BPTF: variants seen among roughly 807,000 people sequenced by gnomAD.
BPTF encodes the protein bromodomain PHD finger transcription factor, also known as nucleosome-remodeling factor subunit BPTF.
In BPTF, 18 loss-of-function variants were observed where a neutral mutation model predicts 292.5. The ratio of observed to expected loss-of-function variants is 0.06; its 90% CI spans 0.04 to 0.09. The LOEUF (loss-of-function observed/expected upper bound fraction) is 0.09. Among genes scored for constraint, BPTF ranks in the 10% least tolerant of loss-of-function variants. The probability of loss-of-function intolerance (pLI) is 1.00; values close to 1 mark genes in which losing one functional copy is unlikely to be tolerated. For synonymous variants in BPTF, 1,225 were observed against 1,251.9 expected (o/e 0.98, Z 0.45); for missense variants, 2,726 against 3,498.7 (o/e 0.78, Z 5.57).
intron 9 of BPTF, among the ~76,000 whole-genome samples, chr17:67,905,766 C>T (rs1481170630): frequency 6.6e-6 from 1 of 151,864 alleles, no homozygotes; most frequent in Admixed American, 6.6e-5. Context: ...TATCTAGTAA[C>T]CTTAGCATTG....
At chr17:67,944,478 C>A (rs1598823615) in intron 20 of BPTF, 106 bp downstream of exon 20, 8 of 1,295,710 alleles carry the variant, frequency 6.2e-6, no homozygotes, top group East Asian at 4.8e-5. Context: ...GGATATGCCT[C>A]AAGCCAGTGA....
At chr17:67,953,971 T>C (rs1555679722) in intron 23 of BPTF, among the ~76,000 whole-genome samples, 4 of 3,838 alleles carry the variant, frequency 1.0e-3, no homozygotes, top group African/African-American at 2.3e-3. Context: ...CTTTTTTTTT[T>C]TTTTTTTTTT....
intron 7 of BPTF, among the ~76,000 whole-genome samples, chr17:67,900,394 C>T (rs969950069): frequency 2.0e-5 from 3 of 152,022 alleles, no homozygotes; most frequent in Non-Finnish European, 2.9e-5. Context: ...CGTTAGCCAC[C>T]GCGTTCAGCC....
intron 4 of BPTF, among the ~76,000 whole-genome samples, chr17:67,876,182 T>C (rs2060040121): frequency 6.6e-6 from 1 of 152,250 alleles, no homozygotes; most frequent in African/African-American, 2.4e-5. Context: ...AGAAAATCAT[T>C]ATCACAGAAC....
At chr17:67,919,661 A>AT (rs1234415503) in intron 12 of BPTF, among the ~76,000 whole-genome samples, 2 of 152,220 alleles carry the variant, frequency 1.3e-5, no homozygotes, top group East Asian at 1.9e-4. Flanking sequence ...ACCAGTCTAC[A>AT]TTTTTTAAAA....
In BPTF at chr17:67,946,180, C is replaced by A; in HGVS notation, c.7472C>A (p.Thr2491Lys). ...VQTHQIQNVV[T>K]VQAASVQEQL... ...ACTCACCAGATTCAGAATGTGGTTACAGTGCAGGCAGCCAGTGTGCAAGAG... is the reference window on the plus strand; with the variant it reads ...ACTCACCAGATTCAGAATGTGGTTAAAGTGCAGGCAGCCAGTGTGCAAGAG... Residue 2491 changes from threonine to lysine, a missense_variant, in exon 21 of 28, where the codon ACA (threonine) becomes AAA (lysine). Physicochemically the swap from Thr to Lys is moderately conservative, Grantham distance 78. This residue lies in a region of BPTF where 570 missense variants were observed against 633.5 expected (regional missense o/e 0.90). Transcript: ENST00000306378. 6.2e-7 allele frequency: 1 copy of A among 1,614,178 alleles called. No individual in the cohort carries two copies. Among genetic ancestry groups the A allele is most frequent in the Non-Finnish European group, 8.5e-7 (1 of 1,180,024 alleles).
At chr17:67,973,094 G>A (rs1258778666) in intron 26 of BPTF, among the ~76,000 whole-genome samples, 1 of 143,274 alleles carries the variant, frequency 7.0e-6, no homozygotes, top group African/African-American at 2.6e-5. Context: ...TATATATAAG[G>A]CCAGGCACGG....
chr17:67,840,909 T>C (rs1451713255), intron 1 of BPTF, among the ~76,000 whole-genome samples: 1 of 152,190 alleles, frequency 6.6e-6, no homozygotes, highest in Non-Finnish European at 1.5e-5. Context: ...ATTTTGGATA[T>C]AAGTGCTTTG....
chr17:67,946,413 C>T lies in BPTF; in HGVS notation c.7617+88C>T, dbSNP rs1481066672. On this transcript the variant is annotated intron_variant, in intron 21 of 27. Coordinates refer to ENST00000306378, the MANE Select transcript of BPTF (RefSeq NM_182641.4). ...TTAGTGTTTGGTTGTGTTAGGTTTC[C>T]TAAATGAGACAAAGTCATTAATGTT... is the stretch of plus-strand genomic sequence containing the variant. 4.0e-6 allele frequency: 6 copies of T among 1,507,292 alleles called. No homozygotes were observed. In the African/African-American group the frequency reaches 8.4e-5, roughly 21 times the overall value. 93.4% of individuals were successfully genotyped at this position (1,507,292 alleles called of 1,614,324 possible).
At chr17:67,977,211 T>A (rs1438382841) in intron 27 of BPTF, among the ~76,000 whole-genome samples, 3 of 152,122 alleles carry the variant, frequency 2.0e-5, no homozygotes, top group Admixed American at 2.0e-4. Context: ...TTGGCAGGTA[T>A]TTTTAAAAAG....
At position 67,894,097 on chromosome 17, in the gene BPTF, C is replaced by G; in HGVS notation, c.2475C>G (p.Ala825=). The part of the protein sequence containing the change: ...SKPREFALAL[A]ILECAVKPVV... ...CCAGAGAATTTGCATTGGCTTTAGCCATTTTGGAGTGTGCAGTTAAACCAG... is the reference window on the plus strand; with the variant it reads ...CCAGAGAATTTGCATTGGCTTTAGCGATTTTGGAGTGTGCAGTTAAACCAG... The change falls in exon 7 of 28, where the codon GCC becomes GCG. Residue 825 remains alanine, a synonymous_variant. Transcript: ENST00000306378. 1.2e-6 allele frequency: 2 copies of G among 1,614,096 alleles called. No homozygotes were observed. Among genetic ancestry groups the G allele is most frequent in the South Asian group, 2.2e-5 (2 of 91,084 alleles).
At chr17:67,952,319 T>C (rs1555678846) in intron 23 of BPTF, among the ~76,000 whole-genome samples, 1 of 146,000 alleles carries the variant, frequency 6.8e-6, no homozygotes, top group South Asian at 2.2e-4. Context: ...GGCTGGAGCG[T>C]GTAGGGCCAT....
chr17:67,873,487 C>G lies in BPTF; in HGVS notation c.1661-1330C>G, dbSNP rs376456802. Among the ~76,000 whole-genome samples, 10 of 151,654 alleles carry G rather than the reference C, an allele frequency of 6.6e-5. No homozygotes were observed. In the East Asian group the frequency reaches 1.7e-3, roughly 26 times the overall value. On this transcript the variant is annotated intron_variant, in intron 3 of 27. Transcript: ENST00000306378. The stretch of plus-strand genomic sequence containing the variant: ...AAAAAAAAAAAAGAAAAAGAAAAAC[C>G]GTGTTTCTTCTTATTCACAAATAGC...
intron 14 of BPTF, among the ~76,000 whole-genome samples, chr17:67,924,227 T>G (rs140307173): frequency 1.3e-5 from 2 of 152,298 alleles, no homozygotes; most frequent in East Asian, 3.9e-4. Context: ...AATGATGGGA[T>G]TACAGGCATG....
At chr17:67,939,620 G>A (rs1007337219) in intron 18 of BPTF, among the ~76,000 whole-genome samples, 8 of 152,236 alleles carry the variant, frequency 5.3e-5, no homozygotes, top group African/African-American at 1.9e-4. Context: ...GCTCATGCCT[G>A]TAATCCCAGC....
chr17:67,864,363 C>T (rs2059267828), intron 2 of BPTF, among the ~76,000 whole-genome samples: 1 of 151,764 alleles, frequency 6.6e-6, no homozygotes, highest in South Asian at 2.1e-4. Flanking sequence ...CCTGTCTCTA[C>T]TAAAAATACA....
chr17:67,930,115 C>CAAAA (rs57367735), intron 17 of BPTF, among the ~76,000 whole-genome samples: 1 of 107,832 alleles, frequency 9.3e-6, no homozygotes, highest in Non-Finnish European at 2.2e-5. Flanking sequence ...GACCTTGTCT[C>CAAAA]AAAAAAAAAA....
At chr17:67,859,413 T>C (rs2058938999) in intron 2 of BPTF, among the ~76,000 whole-genome samples, 1 of 152,252 alleles carries the variant, frequency 6.6e-6, no homozygotes, top group South Asian at 2.1e-4. Flanking sequence ...CCCAAAATCA[T>C]AGGGTTACAG....
chr17:67,947,509 A>C lies in BPTF; in HGVS notation c.7618-217A>C, dbSNP rs1826761111. The stretch of plus-strand genomic sequence containing the variant: ...TGGTTCAGTGTTGTTGTAAGGAATA[A>C]ACGAGGTAATGTCAAGTGCTTAGCC... On this transcript the variant is annotated intron_variant, in intron 21 of 27. Transcript: ENST00000306378. Among the ~76,000 whole-genome samples, 3 of 152,350 alleles carry C rather than the reference A, an allele frequency of 2.0e-5. No homozygotes were observed. The South Asian group carries it at 6.2e-4, about 32-fold the overall frequency.
Sources: gnomAD v4.1 joint callset for allele counts (sites outside exome capture counted in the v4.1 genomes callset) on GRCh38, gnomAD v4.1.1 for gene constraint, gnomAD v4.1.1 regional missense constraint, MANE v1.5 for transcripts, NCBI Gene and HGNC (gene_info 2026-07-23, HGNC 2026-07-21) for gene names.